The following ANO4 variants were observed in gnomAD, a reference collection of about 807,000 sequenced individuals.
ANO4 encodes the protein anoctamin-4.
Under a neutral mutation model 141.9 loss-of-function variants are expected in ANO4, and 69 were observed. The ratio of observed to expected loss-of-function variants is 0.49; its 90% CI spans 0.40 to 0.59. The LOEUF (loss-of-function observed/expected upper bound fraction) is 0.59, where lower values mean the gene tolerates loss of function less well. ANO4 is among the 20% of genes least tolerant of loss of function. The pLI is 0.00. For synonymous variants in ANO4, 350 were observed against 394.3 expected (o/e 0.89, Z 1.33); for missense variants, 894 against 1,162.2 (o/e 0.77, Z 3.36).
intron 3 of ANO4, among the ~76,000 whole-genome samples, chr12:100,745,944 G>A (rs2032082103): frequency 6.6e-6 from 1 of 152,198 alleles, no homozygotes; most frequent in Non-Finnish European, 1.5e-5. Flanking sequence ...GAAACAAATT[G>A]TGGATAGACT....
intron 14 of ANO4, among the ~76,000 whole-genome samples, chr12:101,062,618 A>G (rs955266400): frequency 1.3e-5 from 2 of 152,180 alleles, no homozygotes; most frequent in African/African-American, 4.8e-5. Flanking sequence ...GTCTGGCTAT[A>G]GTGGCTTTGC....
chr12:101,036,996 A>T, intron 9 of ANO4, 99 bp from the exon 10 acceptor site: 1 of 1,205,514 alleles, frequency 8.3e-7, no homozygotes, highest in Non-Finnish European at 1.2e-6. Flanking sequence ...TTGATAGCCT[A>T]GATTGTTTCC....
At chr12:100,844,874 CGTA>C (rs2037476906) in intron 1 of ANO4, among the ~76,000 whole-genome samples, 1 of 151,450 alleles carries the variant, frequency 6.6e-6, no homozygotes, top group Non-Finnish European at 1.5e-5. Context: ...CAAGGAAGAA[CGTA>C]GAGAGAGAAG....
chr12:101,037,842 A>G (rs1382658357), intron 10 of ANO4, among the ~76,000 whole-genome samples: 1 of 152,236 alleles, frequency 6.6e-6, no homozygotes, highest in Admixed American at 6.5e-5. Context: ...CACAGAGAAT[A>G]CAAAGATAAA....
chr12:100,915,110 C>T (rs1051419628), intron 2 of ANO4, among the ~76,000 whole-genome samples: 2 of 152,094 alleles, frequency 1.3e-5, no homozygotes, highest in Non-Finnish European at 2.9e-5. Flanking sequence ...TGTGAGCCAC[C>T]ACACCCAGCC....
chr12:101,096,762 G>T (rs561697456), intron 19 of ANO4, 115 bp downstream of exon 19: 1 of 764,524 alleles, frequency 1.3e-6, no homozygotes, highest in Non-Finnish European at 2.2e-6. Context: ...AGTGTAAAAA[G>T]GGAAGAGCAT....
At chr12:100,953,130 T>C (rs966068583) in intron 5 of ANO4, among the ~76,000 whole-genome samples, 2 of 152,240 alleles carry the variant, frequency 1.3e-5, no homozygotes, top group African/African-American at 4.8e-5. Flanking sequence ...TAATCATCAT[T>C]ATGTGCCACA....
rs767326131 is a variant in ANO4, at chr12:101,043,524, T to G, written c.1155-15T>G. The stretch of plus-strand genomic sequence containing the variant: ...CATGTCATCAAAAAGCAGTCCTTTC[T>G]GTTCTCTTTTCCAGTAAAGAAGTCT... On this transcript the variant is annotated splice_polypyrimidine_tract_variant and intron_variant, in intron 12 of 27. Coordinates refer to ENST00000392977, the MANE Select transcript of ANO4 (RefSeq NM_001286615.2). 1.3e-5 allele frequency: 20 copies of G among 1,595,168 alleles called. No homozygotes were observed. Among genetic ancestry groups the G allele is most frequent in the Non-Finnish European group, 1.6e-5 (19 of 1,163,362 alleles).
Position 101,120,524 on chromosome 12 carries a change from C to T in ANO4, c.2575C>T (p.Arg859Trp), listed in dbSNP as rs750222905. 1.9e-5 allele frequency: 31 copies of T among 1,612,978 alleles called. No homozygotes were observed. The highest frequency in any genetic ancestry group is 3.3e-5 in the Admixed American group (2 of 59,922). ...CATTTTTCTGTGTCTTTATAGATAC[C>T]GGGACTACCGTGACCCGCCTCATTC... ...SGTPLKYCRY[R>W]DYRDPPHSLV... Residue 859 changes from arginine to tryptophan, a missense_variant, in exon 26 of 28, where the codon CGG (arginine) becomes TGG (tryptophan). Around this residue, in one of 2 missense-constraint regions of ANO4, gnomAD observed 637 missense variants for 909.2 expected, o/e 0.70. Coordinates refer to ENST00000392977, the MANE Select transcript of ANO4 (RefSeq NM_001286615.2).
intron 14 of ANO4, among the ~76,000 whole-genome samples, chr12:101,065,074 G>A (rs2048522380): frequency 6.6e-6 from 1 of 152,162 alleles, no homozygotes; most frequent in Non-Finnish European, 1.5e-5. Context: ...CCAAAGAGAA[G>A]CTGTAAAGTG....
chr12:100,725,228 CCTTA>C (rs1176619043), intron 1 of ANO4, among the ~76,000 whole-genome samples: 1 of 152,030 alleles, frequency 6.6e-6, no homozygotes, highest in Non-Finnish European at 1.5e-5. Context: ...TAAAATTTCT[CCTTA>C]CTTTCTTGTG....
At chr12:100,916,095 T>C (rs2136082405) in intron 2 of ANO4, among the ~76,000 whole-genome samples, 1 of 152,166 alleles carries the variant, frequency 6.6e-6, no homozygotes, top group South Asian at 2.1e-4. Context: ...CCATATATAG[T>C]ATATAAAATT....
At chr12:100,999,671 GA>G (rs1163365238) in intron 8 of ANO4, among the ~76,000 whole-genome samples, 1 of 152,094 alleles carries the variant, frequency 6.6e-6, no homozygotes, top group Non-Finnish European at 1.5e-5. Context: ...GTTTTGATGG[GA>G]AAAAAGAAGG....
At chr12:100,725,928 A>G (rs1441445826) in intron 1 of ANO4, among the ~76,000 whole-genome samples, 6 of 152,190 alleles carry the variant, frequency 3.9e-5, no homozygotes, top group Non-Finnish European at 8.8e-5. Context: ...CATTACCTCA[A>G]TAGAAAAGAA....
At chr12:101,068,348 G>A (rs2048678469) in intron 14 of ANO4, 3 of 1,138,366 alleles carry the variant, frequency 2.6e-6, no homozygotes, top group Non-Finnish European at 4.0e-6. Context: ...GCAGAAACTG[G>A]GAGAAGGTAA....
chr12:101,045,414 T>A (rs1250594507), intron 13 of ANO4, among the ~76,000 whole-genome samples: 1 of 152,232 alleles, frequency 6.6e-6, no homozygotes, highest in Non-Finnish European at 1.5e-5. Context: ...ACATTTGGCC[T>A]TGCCTAGAAA....
chr12:100,796,662 T>C (rs2034343823), intron 1 of ANO4, among the ~76,000 whole-genome samples: 1 of 152,078 alleles, frequency 6.6e-6, no homozygotes, highest in African/African-American at 2.4e-5. Flanking sequence ...TTTTAAAATA[T>C]TATCAGCATT....
intron 14 of ANO4, among the ~76,000 whole-genome samples, chr12:101,062,838 C>A (rs371527840): frequency 6.6e-6 from 1 of 152,202 alleles, no homozygotes; most frequent in Non-Finnish European, 1.5e-5. Context: ...GGGTGGGATC[C>A]GCTGAGCTAG....
At chr12:101,042,532 G>C in intron 12 of ANO4, 64 bp downstream of exon 12, 1 of 1,589,702 alleles carries the variant, frequency 6.3e-7, no homozygotes, top group Non-Finnish European at 8.6e-7. Flanking sequence ...TTTGCACTTT[G>C]GGGGTATTCA....
Sources: gnomAD v4.1 joint callset for allele counts (sites outside exome capture counted in the v4.1 genomes callset) on GRCh38, gnomAD v4.1.1 for gene constraint, gnomAD v4.1.1 regional missense constraint, MANE v1.5 for transcripts, NCBI Gene and HGNC (gene_info 2026-07-23, HGNC 2026-07-21) for gene names.